Variants in COG6 observed in about 807,000 individuals in gnomAD.
COG6 encodes the protein component of oligomeric golgi complex 6.
COG6 carries 74 observed loss-of-function variants against 88.8 expected under a neutral mutation model. That is an observed-to-expected ratio of 0.83 (90% CI 0.69 to 1.01). COG6 has a LOEUF of 1.01. Ranked by LOEUF, COG6 falls within the 50% of genes least tolerant of loss-of-function variation. The pLI, the probability that COG6 is intolerant of heterozygous loss-of-function variation, is 0.00. For missense variants in COG6, 800 were observed against 797.9 expected, an observed-to-expected ratio of 1.00 and a Z score of -0.03; for synonymous variants, 286 against 278.7, an observed-to-expected ratio of 1.03 and a Z score of -0.26.
intron 4 of COG6, among the ~76,000 whole-genome samples, chr13:39,671,146 T>C (rs955973065): frequency 2.0e-5 from 3 of 151,964 alleles, no homozygotes; most frequent in Non-Finnish European, 4.4e-5. Context: ...GTCACACATA[T>C]TGGACTGGAA....
intron 18 of COG6, among the ~76,000 whole-genome samples, chr13:39,757,888 G>A (rs1364269386): frequency 3.3e-5 from 5 of 152,150 alleles, no homozygotes; most frequent in South Asian, 2.1e-4. Context: ...CTCAAGGATC[G>A]GCTGTGTATC....
At chr13:39,790,999 G>A (rs1163676883) in exon 19 of COG6, 2 of 152,006 alleles carry the variant, frequency 1.3e-5, no homozygotes, top group African/African-American at 4.8e-5. Flanking sequence ...TTAAGAAAAT[G>A]TTTTTCTATT....
At chr13:39,686,808 C>A (rs1394029703) in intron 8 of COG6, among the ~76,000 whole-genome samples, 2 of 152,074 alleles carry the variant, frequency 1.3e-5, no homozygotes, top group Non-Finnish European at 2.9e-5. Context: ...CTGCTAACTG[C>A]AGCCTGAACC....
chr13:39,694,753 T>C (rs1410825967), intron 12 of COG6, 28 bp downstream of exon 12: 1 of 1,186,730 alleles, frequency 8.4e-7, no homozygotes, highest in Non-Finnish European at 1.3e-6. Flanking sequence ...ATGTGCTTGC[T>C]AAATCCAATG....
At chr13:39,688,145 T>C (rs897641766) in intron 10 of COG6, among the ~76,000 whole-genome samples, 2 of 152,348 alleles carry the variant, frequency 1.3e-5, no homozygotes, top group African/African-American at 2.4e-5. Context: ...GGTGATATTA[T>C]CTTAATTTTA....
At chr13:39,786,638 T>G (rs1302142396) in intron 18 of COG6, among the ~76,000 whole-genome samples, 1 of 152,190 alleles carries the variant, frequency 6.6e-6, no homozygotes, top group Non-Finnish European at 1.5e-5. Flanking sequence ...CAGACAAATA[T>G]GAAATTGATA....
intron 18 of COG6, among the ~76,000 whole-genome samples, chr13:39,767,570 TTC>T (rs1326392079): frequency 1.3e-5 from 2 of 152,168 alleles, no homozygotes; most frequent in African/African-American, 4.8e-5. Flanking sequence ...AAGAAGGGCG[TTC>T]TCTCTGTGTG....
chr13:39,697,856 A>T (rs1877362768), intron 12 of COG6, among the ~76,000 whole-genome samples: 2 of 151,914 alleles, frequency 1.3e-5, no homozygotes, highest in Admixed American at 1.3e-4. Flanking sequence ...GTAAATATTG[A>T]ATAGTTATTT....
At chr13:39,686,592 G>A (rs1041505238) in intron 8 of COG6, among the ~76,000 whole-genome samples, 8 of 152,194 alleles carry the variant, frequency 5.3e-5, no homozygotes, top group African/African-American at 9.6e-5. Flanking sequence ...CATCTGTTAT[G>A]TCTAATATTG....
intron 4 of COG6, among the ~76,000 whole-genome samples, chr13:39,668,645 G>C (rs375004653): frequency 6.6e-6 from 1 of 151,898 alleles, no homozygotes; most frequent in African/African-American, 2.4e-5. Context: ...AAAATTAGCC[G>C]GGCGTGGTGG....
intron 11 of COG6, among the ~76,000 whole-genome samples, chr13:39,692,810 G>A (rs1281870794): frequency 6.6e-6 from 1 of 151,942 alleles, no homozygotes; most frequent in African/African-American, 2.4e-5. Flanking sequence ...TTCTCGTAAT[G>A]CAGTTAGGAT....
chr13:39,704,709 T>TCCAA (rs1877785653), intron 13 of COG6, among the ~76,000 whole-genome samples: 4 of 152,136 alleles, frequency 2.6e-5, no homozygotes, highest in African/African-American at 9.7e-5. Context: ...AATTAAAACT[T>TCCAA]TGAACAGAAT....
At chr13:39,708,184 A>G (rs1204962432) in intron 13 of COG6, among the ~76,000 whole-genome samples, 1 of 152,158 alleles carries the variant, frequency 6.6e-6, no homozygotes, top group Non-Finnish European at 1.5e-5. Context: ...TTTCTTTTGA[A>G]GTTGTCTTTT....
At chr13:39,737,644 G>T (rs1353861366) in intron 18 of COG6, among the ~76,000 whole-genome samples, 2 of 151,660 alleles carry the variant, frequency 1.3e-5, no homozygotes, top group Admixed American at 6.6e-5. Context: ...AAGTACTCCC[G>T]TGGCTGCCCT....
At chr13:39,725,784 T>C (rs139426863) in intron 17 of COG6, among the ~76,000 whole-genome samples, 1 of 152,036 alleles carries the variant, frequency 6.6e-6, no homozygotes, top group East Asian at 1.9e-4. Context: ...GAATTTTAGA[T>C]TCATTAAAAG....
chr13:39,659,415 C>G lies in COG6; in HGVS notation c.205C>G (p.Leu69Val). 1 of 1,613,500 alleles carries G rather than the reference C, an allele frequency of 6.2e-7. No individual in the cohort carries two copies. Among genetic ancestry groups the G allele is most frequent in the Non-Finnish European group, 8.5e-7 (1 of 1,179,658 alleles). ...ALSTFFVENS[L>V]RTRRNLRGDI... ...TTCAACCTTTTTTGTTGAAAATAGT[C>G]TGCGGACTCGAAGAAATTTACGTGG... is the stretch of plus-strand genomic sequence containing the variant. The change falls in exon 2 of 19, where the codon CTG becomes GTG. Residue 69 changes from leucine to valine, a missense_variant. Transcript: ENST00000455146.
chr13:39,719,084 A>G, intron 13 of COG6, 152 bp from the exon 14 acceptor site: 1 of 706,978 alleles, frequency 1.4e-6, no homozygotes, highest in South Asian at 1.6e-5. Flanking sequence ...CTGTTAATAT[A>G]GTTCAAAGTA....
intron 18 of COG6, among the ~76,000 whole-genome samples, chr13:39,742,372 A>G (rs1286414868): frequency 6.6e-6 from 1 of 152,196 alleles, no homozygotes; most frequent in African/African-American, 2.4e-5. Context: ...TCACATGCAG[A>G]GACACACATA....
At chr13:39,665,031 G>C (rs1875161177) in intron 3 of COG6, 65 bp from the exon 4 acceptor site, 5 of 789,930 alleles carry the variant, frequency 6.3e-6, no homozygotes, top group East Asian at 2.6e-5. Context: ...GTAAGTGGTA[G>C]TATTTGTTTT....
Sources: gnomAD v4.1 joint callset for allele counts (sites outside exome capture counted in the v4.1 genomes callset) on GRCh38, gnomAD v4.1.1 for gene constraint, MANE v1.5 for transcripts, NCBI Gene and HGNC (gene_info 2026-07-23, HGNC 2026-07-21) for gene names.